KALRN: variants seen among roughly 807,000 people sequenced by gnomAD.
KALRN encodes kalirin.
In KALRN, 70 loss-of-function variants were observed where a neutral mutation model predicts 353.7. The observed-to-expected ratio is 0.20, with a 90% CI of 0.16 to 0.24. KALRN has a LOEUF of 0.24. KALRN is among the 10% of genes least tolerant of loss of function. KALRN has a pLI of 1.00. For missense variants in KALRN, 2,791 were observed against 3,756.7 expected, an observed-to-expected ratio of 0.74 and a Z score of 6.72; for synonymous variants, 1,391 against 1,434.8, an observed-to-expected ratio of 0.97 and a Z score of 0.69.
intron 34 of KALRN, among the ~76,000 whole-genome samples, chr3:124,619,477 T>C (rs1175428814): frequency 1.5e-5 from 2 of 131,488 alleles, no homozygotes; most frequent in Admixed American, 1.8e-4. Context: ...CTTTTTATTT[T>C]CCTTCTTTTT....
At chr3:124,386,825 A>G (rs1208030145) in intron 11 of KALRN, among the ~76,000 whole-genome samples, 1 of 152,224 alleles carries the variant, frequency 6.6e-6, no homozygotes, top group Non-Finnish European at 1.5e-5. Context: ...TGAGTTTTTT[A>G]AATGGACACC....
intron 33 of KALRN, among the ~76,000 whole-genome samples, chr3:124,523,817 T>A (rs1301284932): frequency 3.9e-5 from 6 of 152,228 alleles, no homozygotes; most frequent in Non-Finnish European, 7.3e-5. Context: ...CCATTGACTC[T>A]CATGGTAGGG....
rs577468577 is a variant in KALRN, at chr3:124,289,498, A to C, written c.970-9293A>C. Among the ~76,000 whole-genome samples, 7 of 152,344 alleles carry C rather than the reference A, an allele frequency of 4.6e-5. No homozygotes were observed. The South Asian group carries it at 1.4e-3, about 32-fold the overall frequency. On this transcript the variant is annotated intron_variant, in intron 5 of 59. Transcript: ENST00000682506. ...TGAATCTGTTTCTCTACCTAAAAAA[A>C]AAATAAATAAAAAGGTGGTGATTAT...
intron 17 of KALRN, among the ~76,000 whole-genome samples, chr3:124,436,509 G>A (rs1364620003): frequency 6.6e-6 from 1 of 152,196 alleles, no homozygotes; most frequent in Non-Finnish European, 1.5e-5. Flanking sequence ...GACTAGAGAA[G>A]TCACCTCAAG....
At chr3:124,535,404 A>G (rs1426671193) in intron 33 of KALRN, among the ~76,000 whole-genome samples, 1 of 152,054 alleles carries the variant, frequency 6.6e-6, no homozygotes, top group East Asian at 1.9e-4. Context: ...TACCAGCTAT[A>G]CTTAAGTTTT....
At chr3:124,347,325 G>GTGTGTGT (rs2082369396) in intron 10 of KALRN, 60 bp downstream of exon 10, 2 of 1,124,672 alleles carry the variant, frequency 1.8e-6, no homozygotes, top group East Asian at 4.9e-5. Flanking sequence ...TGTGTGTCTA[G>GTGTGTGT]ATGAGGGAGG....
At chr3:124,678,095 C>T (rs2087395813) in intron 49 of KALRN, 95 bp from the exon 50 acceptor site, 3 of 1,367,762 alleles carry the variant, frequency 2.2e-6, no homozygotes, top group Non-Finnish European at 3.1e-6. Context: ...TGATGGAGCA[C>T]CTCACCTGCT....
chr3:124,129,201 C>T, intron 1 of KALRN, among the ~76,000 whole-genome samples: 1 of 152,076 alleles, frequency 6.6e-6, no homozygotes, highest in East Asian at 1.9e-4. Flanking sequence ...CAGAACGGTG[C>T]CCCAGCATCA....
chr3:124,349,807 C>T (rs1434535127), intron 10 of KALRN, among the ~76,000 whole-genome samples: 2 of 152,198 alleles, frequency 1.3e-5, no homozygotes, highest in African/African-American at 2.4e-5. Flanking sequence ...GGTCCCAATG[C>T]ACCTTATGAT....
intron 2 of KALRN, among the ~76,000 whole-genome samples, chr3:124,230,149 C>G (rs1006304823): frequency 6.6e-6 from 1 of 152,190 alleles, no homozygotes; most frequent in African/African-American, 2.4e-5. Flanking sequence ...GGCCCACAGC[C>G]CTCTGGGAGC....
chr3:124,518,762 T>C, intron 33 of KALRN: 1 of 1,323,366 alleles, frequency 7.6e-7, no homozygotes, highest in Non-Finnish European at 9.7e-7. Context: ...CCCAATGTAC[T>C]TCCCCCAGAT....
At chr3:124,508,084 T>C (rs1173665530) in intron 33 of KALRN, among the ~76,000 whole-genome samples, 1 of 152,234 alleles carries the variant, frequency 6.6e-6, no homozygotes, top group East Asian at 1.9e-4. Flanking sequence ...CTTATTTCTA[T>C]AGATAAAATG....
chr3:124,697,555 G>A (rs1235690911), intron 54 of KALRN, 38 bp from the exon 55 acceptor site: 14 of 1,541,300 alleles, frequency 9.1e-6, no homozygotes, highest in East Asian at 2.3e-5. Context: ...GCCAAGTTCT[G>A]CAGAAATAGC....
In KALRN at chr3:124,490,794, C is replaced by T. The variant is rs2063074061; in HGVS notation, c.4497C>T (p.His1499=). 2 of 1,614,034 alleles carry T rather than the reference C, an allele frequency of 1.2e-6. No homozygotes were observed. The highest frequency in any genetic ancestry group is 1.1e-5 in the South Asian group (1 of 91,080). ...TGATCCGGAAGGGGCGGGAGCGGCACTTGTTCCTCTTTGAGATCTCCTTGG... is the reference window on the plus strand; with the variant it reads ...TGATCCGGAAGGGGCGGGAGCGGCATTTGTTCCTCTTTGAGATCTCCTTGG... The part of the protein sequence containing the change: ...KSLIRKGRER[H]LFLFEISLVF... Residue 1499 remains histidine, a synonymous_variant, in exon 30 of 60, where the codon CAC becomes CAT. Transcript: ENST00000682506.
chr3:124,102,785 T>C (rs1314640756), intron 1 of KALRN, among the ~76,000 whole-genome samples: 3 of 152,236 alleles, frequency 2.0e-5, no homozygotes, highest in Non-Finnish European at 2.9e-5. Flanking sequence ...GGAAACCTAA[T>C]AAATAACTTT....
At chr3:124,223,616 C>T (rs561952907) in intron 1 of KALRN, among the ~76,000 whole-genome samples, 10 of 152,326 alleles carry the variant, frequency 6.6e-5, no homozygotes, top group Non-Finnish European at 5.9e-5. Context: ...GCTCTATAAA[C>T]GCCCACTCTG....
chr3:124,397,798 C>T (rs2090353126), intron 12 of KALRN, among the ~76,000 whole-genome samples: 3 of 152,218 alleles, frequency 2.0e-5, no homozygotes, highest in South Asian at 4.1e-4. Flanking sequence ...TTCTCCATTT[C>T]TTCAAACCCC....
At chr3:124,123,426 C>T (rs894582118) in intron 1 of KALRN, among the ~76,000 whole-genome samples, 3 of 152,136 alleles carry the variant, frequency 2.0e-5, no homozygotes, top group African/African-American at 7.2e-5. Flanking sequence ...CACAGCAAAG[C>T]ACTAATTCTC....
intron 1 of KALRN, among the ~76,000 whole-genome samples, chr3:124,153,549 G>T (rs1380706710): frequency 6.7e-6 from 1 of 150,210 alleles, no homozygotes; most frequent in East Asian, 1.9e-4. Flanking sequence ...CCAAGTCTTT[G>T]CTATTGTGAA....
Sources: gnomAD v4.1 joint callset for allele counts (sites outside exome capture counted in the v4.1 genomes callset) on GRCh38, gnomAD v4.1.1 for gene constraint, MANE v1.5 for transcripts, NCBI Gene and HGNC (gene_info 2026-07-23, HGNC 2026-07-21) for gene names.